Variants in GRM5 observed in about 807,000 individuals in gnomAD.
GRM5 encodes metabotropic glutamate receptor 5.
A neutral mutation model predicts 83.1 loss-of-function variants in GRM5; 19 were observed. That is an observed-to-expected ratio of 0.23 (90% CI 0.16 to 0.34). GRM5 has a LOEUF of 0.34. Among genes scored for constraint, GRM5 ranks in the 10% least tolerant of loss-of-function variants. The probability of loss-of-function intolerance (pLI) is 1.00; values close to 1 mark genes in which losing one functional copy is unlikely to be tolerated. For synonymous variants in GRM5, 675 were observed against 633.6 expected (o/e 1.07, Z -0.98); for missense variants, 1,160 against 1,588.3 (o/e 0.73, Z 4.58).
chr11:88,626,353 C>T (rs546089313), intron 4 of GRM5, among the ~76,000 whole-genome samples: 7 of 152,252 alleles, frequency 4.6e-5, no homozygotes, highest in South Asian at 4.1e-4. Context: ...ACAGTCTAAT[C>T]GGAAACCTTC....
chr11:88,942,930 T>C (rs1187169791), intron 2 of GRM5, among the ~76,000 whole-genome samples: 1 of 152,068 alleles, frequency 6.6e-6, no homozygotes. Context: ...ACCAAAAGTT[T>C]TGGAACACAA....
intron 2 of GRM5, among the ~76,000 whole-genome samples, chr11:88,978,312 T>C (rs1164436587): frequency 6.6e-6 from 1 of 151,940 alleles, no homozygotes; most frequent in Non-Finnish European, 1.5e-5. Context: ...GTTGTGCTGA[T>C]GGTTTCATGG....
At chr11:88,893,657 C>G (rs552809998) in intron 2 of GRM5, among the ~76,000 whole-genome samples, 1 of 152,064 alleles carries the variant, frequency 6.6e-6, no homozygotes, top group South Asian at 2.1e-4. Flanking sequence ...GTATCACAAC[C>G]CATTGGAATG....
At position 88,730,869 on chromosome 11, in the gene GRM5, G is replaced by T. The variant is rs1941792491; in HGVS notation, c.912-77466C>A. 2.0e-5 allele frequency among the ~76,000 whole-genome samples: 3 copies of T among 152,102 alleles called. No individual in the cohort carries two copies. The South Asian group carries it at 6.2e-4, about 32-fold the overall frequency. Reference sequence around the variant, plus strand: ...AACACCATACACTGGGGCCTGTCAGGGAGTCGGGGGCTAGGGGAGGGATAG... The same window carrying T: ...AACACCATACACTGGGGCCTGTCAGTGAGTCGGGGGCTAGGGGAGGGATAG... On this transcript the variant is annotated intron_variant, in intron 3 of 9. Coordinates refer to ENST00000305447, the MANE Select transcript of GRM5 (RefSeq NM_001143831.3).
At chr11:88,772,908 A>G (rs1252468953) in intron 3 of GRM5, among the ~76,000 whole-genome samples, 3 of 152,056 alleles carry the variant, frequency 2.0e-5, no homozygotes, top group Non-Finnish European at 4.4e-5. Context: ...CGCAATAAAC[A>G]TATGTGTGCA....
intron 3 of GRM5, among the ~76,000 whole-genome samples, chr11:88,792,670 C>T (rs796189096): frequency 2.6e-5 from 4 of 152,180 alleles, no homozygotes; most frequent in African/African-American, 9.6e-5. Context: ...TTAGTCTGCA[C>T]ATATTGTGTG....
intron 7 of GRM5, among the ~76,000 whole-genome samples, chr11:88,574,944 G>A (rs1470485040): frequency 2.0e-5 from 3 of 147,698 alleles, no homozygotes; most frequent in Non-Finnish European, 4.5e-5. Context: ...TCAGATAGAT[G>A]TACTTTTCTT....
At chr11:88,603,385 T>C (rs1938053442) in intron 5 of GRM5, among the ~76,000 whole-genome samples, 1 of 152,224 alleles carries the variant, frequency 6.6e-6, no homozygotes, top group South Asian at 2.1e-4. Context: ...GAGATGCACA[T>C]GGGAATAATA....
chr11:88,644,715 C>T (rs771326106), intron 4 of GRM5, among the ~76,000 whole-genome samples: 4 of 151,582 alleles, frequency 2.6e-5, no homozygotes, highest in Non-Finnish European at 5.9e-5. Context: ...TACAAGGAAA[C>T]AAAGAAACAG....
chr11:88,999,611 A>G (rs897898969), intron 2 of GRM5, among the ~76,000 whole-genome samples: 15 of 152,088 alleles, frequency 9.9e-5, no homozygotes, highest in African/African-American at 3.4e-4. Context: ...AGGATGTGGA[A>G]AAATAGGAAC....
chr11:88,609,375 T>C (rs1162260656), intron 4 of GRM5, among the ~76,000 whole-genome samples: 1 of 152,156 alleles, frequency 6.6e-6, no homozygotes, highest in Non-Finnish European at 1.5e-5. Flanking sequence ...TGGTGCATGG[T>C]ACCATGCATG....
intron 2 of GRM5, among the ~76,000 whole-genome samples, chr11:88,853,987 T>A (rs1944428384): frequency 6.7e-6 from 1 of 150,154 alleles, no homozygotes; most frequent in Non-Finnish European, 1.5e-5. Flanking sequence ...TGCACTCTCA[T>A]GTTCATGGCA....
chr11:88,942,998 C>T (rs1218690589), intron 2 of GRM5, among the ~76,000 whole-genome samples: 1 of 151,980 alleles, frequency 6.6e-6, no homozygotes, highest in African/African-American at 2.4e-5. Context: ...TTCTTTATTC[C>T]TTCCAATCCC....
At chr11:88,863,586 G>A (rs868150019) in intron 2 of GRM5, among the ~76,000 whole-genome samples, 2 of 151,874 alleles carry the variant, frequency 1.3e-5, no homozygotes, top group Middle Eastern at 3.4e-3. Flanking sequence ...ACAGGGAGGG[G>A]AACAACACAC....
intron 3 of GRM5, among the ~76,000 whole-genome samples, chr11:88,723,667 T>G (rs1381517699): frequency 6.6e-6 from 1 of 151,986 alleles, no homozygotes; most frequent in African/African-American, 2.4e-5. Context: ...TGTGGAACAT[T>G]CCTTCCCCTT....
chr11:89,007,307 C>A (rs561536608), intron 2 of GRM5, among the ~76,000 whole-genome samples: 30 of 152,296 alleles, frequency 2.0e-4, no homozygotes, highest in African/African-American at 5.8e-4. Context: ...TTTTCTTGTA[C>A]TATAACACCA....
chr11:88,855,251 A>G (rs991569310), intron 2 of GRM5, among the ~76,000 whole-genome samples: 1 of 151,572 alleles, frequency 6.6e-6, no homozygotes, highest in African/African-American at 2.4e-5. Flanking sequence ...TTTATCTATC[A>G]TCTCTTATTT....
intron 1 of GRM5, among the ~76,000 whole-genome samples, chr11:89,062,675 T>C (rs1486485264): frequency 6.6e-6 from 1 of 152,226 alleles, no homozygotes; most frequent in African/African-American, 2.4e-5. Flanking sequence ...TAAATTTCCC[T>C]TCCACACAGC....
At chr11:88,847,879 A>G (rs1193447422) in intron 3 of GRM5, among the ~76,000 whole-genome samples, 1 of 152,224 alleles carries the variant, frequency 6.6e-6, no homozygotes, top group African/African-American at 2.4e-5. Flanking sequence ...TGGAAATAAA[A>G]TCATACATGG....
Sources: gnomAD v4.1 joint callset for allele counts (sites outside exome capture counted in the v4.1 genomes callset) on GRCh38, gnomAD v4.1.1 for gene constraint, MANE v1.5 for transcripts, NCBI Gene and HGNC (gene_info 2026-07-23, HGNC 2026-07-21) for gene names.